Variants in DACH2 observed in about 807,000 individuals in gnomAD.
DACH2 encodes dachshund family transcription factor 2, also known as dachshund homolog 2.
DACH2 carries 17 observed loss-of-function variants against 35.8 expected under a neutral mutation model. The ratio of observed to expected loss-of-function variants is 0.48; its 90% confidence interval spans 0.33 to 0.71. The LOEUF (loss-of-function observed/expected upper bound fraction) is 0.71, where lower values mean the gene tolerates loss of function less well. Among genes scored for constraint, DACH2 ranks in the 30% least tolerant of loss-of-function variants. DACH2 has a pLI of 0.02. For missense variants in DACH2, 469 were observed against 472.7 expected (o/e 0.99, Z 0.07); for synonymous variants, 195 against 177.3 (o/e 1.10, Z -0.79).
At chrX:86,552,427 G>A (rs1268079054) in intron 3 of DACH2, among the ~76,000 whole-genome samples, 2 of 111,699 alleles carry the variant, frequency 1.8e-5, no homozygotes, top group African/African-American at 3.3e-5. Context: ...TTACTTATAT[G>A]TTTCTATTCA....
chrX:86,296,179 A>G (rs965160628), intron 1 of DACH2, among the ~76,000 whole-genome samples: 1 of 106,379 alleles, frequency 9.4e-6, no homozygotes, highest in Non-Finnish European at 1.9e-5. Context: ...GGAGATCGAG[A>G]CCATCCTGGC....
intron 2 of DACH2, among the ~76,000 whole-genome samples, chrX:86,399,262 A>T (rs893305721): frequency 9.0e-6 from 1 of 110,561 alleles, no homozygotes; most frequent in Non-Finnish European, 1.9e-5. Flanking sequence ...CTTTATTTTG[A>T]GCCTATGTAT....
chrX:86,463,537 A>G (rs1478582756), intron 2 of DACH2, among the ~76,000 whole-genome samples: 1 of 111,072 alleles, frequency 9.0e-6, no homozygotes, highest in African/African-American at 3.3e-5. Flanking sequence ...AGATGGGTTA[A>G]AGACTTAAAC....
chrX:86,220,447 T>C (rs1410192493), intron 1 of DACH2, among the ~76,000 whole-genome samples: 1 of 111,540 alleles, frequency 9.0e-6, no homozygotes, highest in Non-Finnish European at 1.9e-5. Flanking sequence ...CTGTTTTAGG[T>C]ACCTCATATA....
chrX:86,309,943 T>C (rs936216161), intron 1 of DACH2, among the ~76,000 whole-genome samples: 4 of 112,278 alleles, frequency 3.6e-5, no homozygotes, highest in African/African-American at 9.7e-5. Context: ...ACTTGGCACA[T>C]ATGACCTAGC....
At chrX:86,613,378 C>T (rs1188508478) in intron 3 of DACH2, among the ~76,000 whole-genome samples, 1 of 110,857 alleles carries the variant, frequency 9.0e-6, no homozygotes, top group Non-Finnish European at 1.9e-5. Flanking sequence ...ACCTTTACTC[C>T]GTGCTGACTA....
chrX:86,683,579 A>G (rs1465924862), intron 4 of DACH2, among the ~76,000 whole-genome samples: 2 of 111,861 alleles, frequency 1.8e-5, no homozygotes, highest in African/African-American at 6.5e-5. Flanking sequence ...ATAGAGCTTT[A>G]CCTTTGCAAA....
At chrX:86,643,867 A>T (rs767306575) in intron 3 of DACH2, among the ~76,000 whole-genome samples, 8 of 111,632 alleles carry the variant, frequency 7.2e-5, no homozygotes, top group Non-Finnish European at 1.1e-4. Context: ...CAAAAACCAA[A>T]TGATTATCTC....
At chrX:86,392,712 A>G (rs1392676297) in intron 2 of DACH2, among the ~76,000 whole-genome samples, 1 of 111,843 alleles carries the variant, frequency 8.9e-6, no homozygotes, top group East Asian at 2.8e-4. Flanking sequence ...GAAAAATAAC[A>G]CTTAGATATT....
chrX:86,652,333 T>G (rs1227400900), intron 4 of DACH2, among the ~76,000 whole-genome samples: 1 of 112,393 alleles, frequency 8.9e-6, no homozygotes, highest in African/African-American at 3.2e-5. Context: ...ACATTTTCTT[T>G]ATCCACTTTC....
chrX:86,340,182 T>G (rs1304596691), intron 1 of DACH2, among the ~76,000 whole-genome samples: 1 of 111,720 alleles, frequency 9.0e-6, no homozygotes, highest in African/African-American at 3.3e-5. Flanking sequence ...TGCACTTAGT[T>G]GATATTGTGT....
chrX:86,256,578 C>T (rs1216521227), intron 1 of DACH2, among the ~76,000 whole-genome samples: 1 of 111,326 alleles, frequency 9.0e-6, no homozygotes, highest in Admixed American at 9.6e-5. Context: ...TCTGACTGAA[C>T]GTAGAAGAGA....
chrX:86,176,076 A>G (rs896407249), intron 1 of DACH2, among the ~76,000 whole-genome samples: 130 of 111,070 alleles, frequency 1.2e-3, no homozygotes, highest in African/African-American at 4.2e-3. Context: ...ATAGTATTTA[A>G]TTAGAATTGT....
intron 3 of DACH2, among the ~76,000 whole-genome samples, chrX:86,556,611 A>T (rs1291456565): frequency 1.9e-5 from 2 of 107,238 alleles, no homozygotes; most frequent in Non-Finnish European, 3.8e-5. Flanking sequence ...CAGATTTTGA[A>T]CTGAGGTAAA....
intron 4 of DACH2, among the ~76,000 whole-genome samples, chrX:86,653,042 TC>T (rs1164797062): frequency 8.9e-6 from 1 of 112,150 alleles, no homozygotes; most frequent in African/African-American, 3.2e-5. Context: ...CTAGGTTATC[TC>T]CAAAGGTTTT....
intron 4 of DACH2, among the ~76,000 whole-genome samples, chrX:86,656,038 C>CG (rs1213274670): frequency 1.6e-4 from 16 of 100,949 alleles, no homozygotes; most frequent in African/African-American, 5.8e-4. Flanking sequence ...CTCCCCCCCC[C>CG]CACTAATCTG....
intron 3 of DACH2, among the ~76,000 whole-genome samples, chrX:86,577,398 A>AC (rs1194965135): frequency 1.2e-5 from 1 of 82,107 alleles, no homozygotes; most frequent in Non-Finnish European, 2.3e-5. Flanking sequence ...CTCCTCCATT[A>AC]AATTTTAACA....
intron 6 of DACH2, among the ~76,000 whole-genome samples, chrX:86,723,334 A>ATTTTTTTTTT (rs60142099): frequency 1.0e-5 from 1 of 96,388 alleles, no homozygotes. Flanking sequence ...CCTTCTGCTA[A>ATTTTTTTTTT]TTTTTTTTTT....
intron 2 of DACH2, among the ~76,000 whole-genome samples, chrX:86,455,322 G>C (rs985759377): frequency 2.7e-5 from 3 of 111,501 alleles, no homozygotes; most frequent in Non-Finnish European, 5.6e-5. Flanking sequence ...GTGCTATGTT[G>C]TGTTGGGAGG....
Sources: gnomAD v4.1 joint callset for allele counts (sites outside exome capture counted in the v4.1 genomes callset) on GRCh38, gnomAD v4.1.1 for gene constraint, MANE v1.5 for transcripts, NCBI Gene and HGNC (gene_info 2026-07-23, HGNC 2026-07-21) for gene names.